The following GUCY2F variants were observed in gnomAD, a reference collection of about 807,000 sequenced individuals.
GUCY2F encodes retinal guanylyl cyclase 2.
GUCY2F carries 61 observed loss-of-function variants against 73.1 expected under a neutral mutation model. The observed-to-expected ratio is 0.83, with a 90% CI of 0.68 to 1.03. GUCY2F has a LOEUF of 1.03. Among genes scored for constraint, GUCY2F ranks in the 50% least tolerant of loss-of-function variants. The pLI, the probability that GUCY2F is intolerant of heterozygous loss-of-function variation, is 0.00. For synonymous variants in GUCY2F, 331 were observed against 307.8 expected, an observed-to-expected ratio of 1.08 and a Z score of -0.79; for missense variants, 912 against 854.3, an observed-to-expected ratio of 1.07 and a Z score of -0.84.
At chrX:109,447,137 A>T (rs1295778644) in intron 6 of GUCY2F, among the ~76,000 whole-genome samples, 2 of 111,981 alleles carry the variant, frequency 1.8e-5, no homozygotes, top group Non-Finnish European at 3.8e-5. Context: ...CAGGTGCTGG[A>T]GAGGATGTGG....
chrX:109,396,061 T>G (rs1195524406), intron 11 of GUCY2F, among the ~76,000 whole-genome samples: 1 of 112,436 alleles, frequency 8.9e-6, no homozygotes, highest in Non-Finnish European at 1.9e-5. Context: ...TTCACTGGAT[T>G]CTCACATACA....
intron 8 of GUCY2F, among the ~76,000 whole-genome samples, chrX:109,424,748 G>A (rs1931444552): frequency 9.1e-6 from 1 of 110,241 alleles, no homozygotes. Context: ...ATGTTGGTGT[G>A]GATGTAGTGA....
chrX:109,378,787 G>A (rs1273367288), intron 17 of GUCY2F, among the ~76,000 whole-genome samples: 1 of 111,821 alleles, frequency 8.9e-6, no homozygotes, highest in African/African-American at 3.3e-5. Flanking sequence ...CTTCTAGAAT[G>A]TAAATTAGTA....
In GUCY2F at chrX:109,376,222, G is replaced by A. The variant is rs1040557785; in HGVS notation, c.3151-55C>T. On this transcript the variant is annotated intron_variant, in intron 17 of 19. Coordinates refer to ENST00000218006, the MANE Select transcript of GUCY2F (RefSeq NM_001522.3). ...GCCTGCTATAATCAATTTTCCAAAA[G>A]AATATAAGCATTCAGGTTGGCTCAG... The A allele has an allele frequency of 1.1e-5, 10 of 880,773 alleles. No individual in the cohort carries two copies. The African/African-American group carries it at 1.8e-4, about 16-fold the overall frequency. The allele number at this position is 880,773 out of a possible 1,213,427, so 72.6% of individuals were successfully genotyped here.
intron 3 of GUCY2F, among the ~76,000 whole-genome samples, chrX:109,458,086 T>C (rs1448109042): frequency 8.9e-6 from 1 of 112,061 alleles, no homozygotes; most frequent in East Asian, 2.8e-4. Flanking sequence ...TTCTGATTTA[T>C]TGTTCTCTTT....
intron 8 of GUCY2F, among the ~76,000 whole-genome samples, chrX:109,424,790 G>C (rs974630145): frequency 1.9e-5 from 2 of 107,387 alleles, no homozygotes; most frequent in Non-Finnish European, 3.9e-5. Context: ...TTTTGAGATG[G>C]AGTTTCACTC....
chrX:109,377,724 T>A (rs1441099490), intron 17 of GUCY2F, among the ~76,000 whole-genome samples: 1 of 111,834 alleles, frequency 8.9e-6, no homozygotes, highest in Non-Finnish European at 1.9e-5. Flanking sequence ...CATATTTGAC[T>A]GTTTGTCTTG....
At chrX:109,480,685 TG>T (rs1932759225) in intron 1 of GUCY2F, among the ~76,000 whole-genome samples, 1 of 111,021 alleles carries the variant, frequency 9.0e-6, no homozygotes, top group African/African-American at 3.3e-5. Context: ...TCTCAGTTTT[TG>T]TTGCTCTTTT....
At chrX:109,452,233 A>G (rs1932151305) in intron 4 of GUCY2F, 126 bp from the exon 5 acceptor site, 2 of 478,134 alleles carry the variant, frequency 4.2e-6, no homozygotes, top group African/African-American at 4.9e-5. Context: ...ACCTAACCTA[A>G]TTCCATTTTT....
chrX:109,451,939 C>A (rs6642686), intron 5 of GUCY2F, 84 bp downstream of exon 5: 2 of 567,826 alleles, frequency 3.5e-6, no homozygotes, highest in African/African-American at 4.6e-5. Flanking sequence ...GCAATTGTAC[C>A]GAAACAGGAC....
At chrX:109,469,794 G>C (rs1361459247) in intron 2 of GUCY2F, among the ~76,000 whole-genome samples, 3 of 111,531 alleles carry the variant, frequency 2.7e-5, no homozygotes, top group African/African-American at 9.8e-5. Context: ...AAATGGCTGT[G>C]TAAGAGGAAG....
chrX:109,434,851 A>G (rs764194592), intron 7 of GUCY2F, among the ~76,000 whole-genome samples: 1 of 111,119 alleles, frequency 9.0e-6, no homozygotes, highest in African/African-American at 3.3e-5. Flanking sequence ...ATATGGCTAG[A>G]CAGTTTTCCC....
intron 4 of GUCY2F, among the ~76,000 whole-genome samples, chrX:109,453,051 G>A (rs1932169407): frequency 1.8e-5 from 2 of 111,903 alleles, no homozygotes; most frequent in Non-Finnish European, 3.8e-5. Flanking sequence ...GTGAGGTACA[G>A]ACTTTTACTT....
At chrX:109,456,659 A>G (rs1189243189) in intron 3 of GUCY2F, among the ~76,000 whole-genome samples, 3 of 111,361 alleles carry the variant, frequency 2.7e-5, no homozygotes, top group Non-Finnish European at 5.7e-5. Context: ...ACATGTACTC[A>G]CAGCCACAAA....
chrX:109,379,800 T>A (rs1930259837), intron 17 of GUCY2F, among the ~76,000 whole-genome samples: 1 of 112,412 alleles, frequency 8.9e-6, no homozygotes. Flanking sequence ...ACTGGCCAGT[T>A]AGGCATTGAT....
rs762761463 is a variant in GUCY2F at position 109,389,685 on chromosome X, T to A, written c.2782-1022A>T. 2.7e-5 allele frequency among the ~76,000 whole-genome samples: 3 copies of A among 111,821 alleles called. No homozygotes were observed. The East Asian group carries it at 8.5e-4, about 32-fold the overall frequency. On this transcript the variant is annotated intron_variant, in intron 14 of 19. Coordinates refer to ENST00000218006, the MANE Select transcript of GUCY2F (RefSeq NM_001522.3). ...TAAGGAATAAATAATTTAATATATG[T>A]CAAAGCATTTAAAACCTGCCTATTG...
intron 9 of GUCY2F, among the ~76,000 whole-genome samples, chrX:109,405,550 T>C (rs1214389358): frequency 2.7e-5 from 3 of 111,893 alleles, no homozygotes; most frequent in Non-Finnish European, 3.8e-5. Context: ...CAGAACTTTG[T>C]TTGCTAAAAG....
In GUCY2F at chrX:109,404,459, T is replaced by A. The variant is rs758957556; in HGVS notation, c.1994A>T (p.Glu665Val). Reference sequence around the variant, plus strand: ...AGACTTTAGCCTCCCATGAACAAACTCTCTGTGGTGTAAGTACTTCATGCC... The same window carrying A: ...AGACTTTAGCCTCCCATGAACAAACACTCTGTGGTGTAAGTACTTCATGCC... ...IKGMKYLHHR[E>V]FVHGRLKSRN... is the part of the protein sequence containing the mutation. The change falls in exon 10 of 20, where the codon GAG (glutamate) becomes GTG (valine). Residue 665 changes from glutamate (E) to valine (V), a missense_variant. Glu to Val is a moderately radical substitution (Grantham distance 121, BLOSUM62 -2). Coordinates refer to ENST00000218006, the MANE Select transcript of GUCY2F (RefSeq NM_001522.3). 3.4e-6 allele frequency: 4 copies of A among 1,193,278 alleles called. No individual in the cohort carries two copies. In the African/African-American group the frequency reaches 7.0e-5, roughly 21 times the overall value.
intron 7 of GUCY2F, among the ~76,000 whole-genome samples, chrX:109,438,977 G>A (rs1931813892): frequency 8.9e-6 from 1 of 112,689 alleles, no homozygotes. Context: ...TCTGTGCCTG[G>A]GTCCTGAAGC....
Sources: gnomAD v4.1 joint callset for allele counts (sites outside exome capture counted in the v4.1 genomes callset) on GRCh38, gnomAD v4.1.1 for gene constraint, MANE v1.5 for transcripts, NCBI Gene and HGNC (gene_info 2026-07-23, HGNC 2026-07-21) for gene names.